ANKRD55: variants seen among roughly 807,000 people sequenced by gnomAD.
The protein encoded by ANKRD55 is ankyrin repeat domain-containing protein 55.
ANKRD55 carries 41 observed loss-of-function variants against 60.6 expected under a neutral mutation model. The ratio of observed to expected loss-of-function variants is 0.68; its 90% CI spans 0.53 to 0.88. The LOEUF (loss-of-function observed/expected upper bound fraction) is 0.88. Ranked by LOEUF, ANKRD55 falls within the 40% of genes least tolerant of loss-of-function variation. ANKRD55 has a pLI of 0.00. For missense variants in ANKRD55, 732 were observed against 767.6 expected (o/e 0.95, Z 0.55); for synonymous variants, 264 against 290.3 (o/e 0.91, Z 0.92).
intron 8 of ANKRD55, among the ~76,000 whole-genome samples, chr5:56,121,473 A>C (rs756762923): frequency 2.0e-5 from 3 of 150,892 alleles, no homozygotes; most frequent in Non-Finnish European, 2.9e-5. Context: ...CTGGGGTTCA[A>C]GCGATTCTCC....
intron 7 of ANKRD55, among the ~76,000 whole-genome samples, chr5:56,132,989 C>T (rs1262260340): frequency 6.6e-6 from 1 of 151,996 alleles, no homozygotes; most frequent in African/African-American, 2.4e-5. Context: ...CCTTATGTAC[C>T]GAACAACACA....
At chr5:56,200,021 C>T (rs1759329289) in intron 2 of ANKRD55, among the ~76,000 whole-genome samples, 1 of 152,046 alleles carries the variant, frequency 6.6e-6, no homozygotes, top group African/African-American at 2.4e-5. Context: ...GTGTAAAAGT[C>T]CGTAAAAGCC....
In ANKRD55 at chr5:56,212,552, A is replaced by C. The variant is rs79069366; in HGVS notation, c.58+20304T>G. ...AACTTTTACAGACGAATTTTCTTTC[A>C]GGCACTGTCCTAACAATTTTATTGG... On this transcript the variant is annotated intron_variant, in intron 2 of 11. Coordinates refer to ENST00000341048, the MANE Select transcript of ANKRD55 (RefSeq NM_024669.3). Among the ~76,000 whole-genome samples, 24 of 152,358 alleles carry C rather than the reference A, an allele frequency of 1.6e-4. No homozygotes were observed. The East Asian group carries it at 4.4e-3, about 28-fold the overall frequency.
intron 2 of ANKRD55, among the ~76,000 whole-genome samples, chr5:56,199,132 T>C (rs1759301821): frequency 6.6e-6 from 1 of 151,038 alleles, no homozygotes; most frequent in African/African-American, 2.4e-5. Context: ...CGTGTTTATA[T>C]CTAAGAGTTG....
At chr5:56,193,859 A>G (rs1283924518) in intron 2 of ANKRD55, among the ~76,000 whole-genome samples, 1 of 152,218 alleles carries the variant, frequency 6.6e-6, no homozygotes, top group African/African-American at 2.4e-5. Flanking sequence ...ATCTATATAT[A>G]TAAGAAGAAC....
chr5:56,197,243 A>C (rs1759248476), intron 2 of ANKRD55, among the ~76,000 whole-genome samples: 1 of 152,200 alleles, frequency 6.6e-6, no homozygotes, highest in African/African-American at 2.4e-5. Flanking sequence ...AGCTTCTCCA[A>C]AGTGACTAAT....
chr5:56,163,216 A>T (rs1758375577), intron 5 of ANKRD55, among the ~76,000 whole-genome samples: 1 of 152,172 alleles, frequency 6.6e-6, no homozygotes, highest in Admixed American at 6.5e-5. Context: ...GAGAACAAAG[A>T]ACCTGAGGCC....
intron 2 of ANKRD55, among the ~76,000 whole-genome samples, chr5:56,199,204 G>A (rs1438703934): frequency 1.3e-5 from 2 of 152,172 alleles, no homozygotes; most frequent in Non-Finnish European, 2.9e-5. Context: ...AGAGAAACCA[G>A]CTCTAAAGTT....
intron 3 of ANKRD55, 98 bp from the exon 4 acceptor site, chr5:56,176,380 A>G: frequency 7.1e-7 from 1 of 1,406,756 alleles, no homozygotes; most frequent in South Asian, 1.2e-5. Flanking sequence ...TATTTGCAAT[A>G]CAAACCCAGC....
At chr5:56,149,693 G>A (rs937683364) in intron 6 of ANKRD55, among the ~76,000 whole-genome samples, 1 of 152,054 alleles carries the variant, frequency 6.6e-6, no homozygotes, top group African/African-American at 2.4e-5. Context: ...ACCTTGGGAG[G>A]CTATACAATT....
chr5:56,170,211 G>T (rs769078611), intron 5 of ANKRD55, among the ~76,000 whole-genome samples: 8 of 152,052 alleles, frequency 5.3e-5, no homozygotes, highest in Non-Finnish European at 1.0e-4. Context: ...CTGCTCTTTT[G>T]CCCTATTTAA....
chr5:56,116,332 AAG>A (rs1654408788), intron 9 of ANKRD55, among the ~76,000 whole-genome samples: 1 of 152,192 alleles, frequency 6.6e-6, no homozygotes, highest in Admixed American at 6.5e-5. Context: ...GGGAAGAGGA[AAG>A]AGAGAAAAGG....
intron 2 of ANKRD55, among the ~76,000 whole-genome samples, chr5:56,230,560 G>A (rs1038486281): frequency 1.3e-5 from 2 of 152,106 alleles, no homozygotes; most frequent in Non-Finnish European, 2.9e-5. Context: ...AAAGCCCCAT[G>A]TTCAACTTTT....
intron 8 of ANKRD55, among the ~76,000 whole-genome samples, chr5:56,119,425 T>C (rs1756975267): frequency 6.6e-6 from 1 of 152,144 alleles, no homozygotes; most frequent in Admixed American, 6.5e-5. Flanking sequence ...TGCCAGGGCT[T>C]AGGGATGGGA....
At chr5:56,227,394 G>A (rs1760145255) in intron 2 of ANKRD55, among the ~76,000 whole-genome samples, 1 of 151,586 alleles carries the variant, frequency 6.6e-6, no homozygotes, top group Non-Finnish European at 1.5e-5. Context: ...TGTAAATGAC[G>A]AGTTAATGGG....
chr5:56,144,864 G>A (rs1757859606), intron 6 of ANKRD55, among the ~76,000 whole-genome samples: 2 of 152,138 alleles, frequency 1.3e-5, no homozygotes, highest in African/African-American at 4.8e-5. Context: ...TGAAAAGATT[G>A]GCTCTTCTCC....
chr5:56,129,884 T>C (rs1757365052), intron 7 of ANKRD55, among the ~76,000 whole-genome samples: 1 of 152,210 alleles, frequency 6.6e-6, no homozygotes, highest in Non-Finnish European at 1.5e-5. Flanking sequence ...TGGGAGGTTT[T>C]GTGATGTGAG....
intron 2 of ANKRD55, among the ~76,000 whole-genome samples, chr5:56,220,079 T>C (rs755461114): frequency 3.9e-5 from 6 of 152,148 alleles, no homozygotes; most frequent in Non-Finnish European, 8.8e-5. Flanking sequence ...TCCAATGAGT[T>C]GTGGGAAACA....
At chr5:56,121,430 T>C (rs1181993056) in intron 8 of ANKRD55, among the ~76,000 whole-genome samples, 1 of 146,602 alleles carries the variant, frequency 6.8e-6, no homozygotes, top group Non-Finnish European at 1.5e-5. Context: ...TGGGGTGCAG[T>C]GGCACAATCT....
Sources: gnomAD v4.1 joint callset for allele counts (sites outside exome capture counted in the v4.1 genomes callset) on GRCh38, gnomAD v4.1.1 for gene constraint, MANE v1.5 for transcripts, NCBI Gene and HGNC (gene_info 2026-07-23, HGNC 2026-07-21) for gene names.